Variants in UNC79 observed in about 807,000 individuals in gnomAD.
UNC79 encodes the protein protein unc-79 homolog.
UNC79 carries 37 observed loss-of-function variants against 283.1 expected under a neutral mutation model. That is an observed-to-expected ratio of 0.13 (90% CI 0.10 to 0.17). The LOEUF (loss-of-function observed/expected upper bound fraction) is 0.17. Ranked by LOEUF, UNC79 falls within the 10% of genes least tolerant of loss-of-function variation. The probability of loss-of-function intolerance (pLI) is 1.00; values close to 1 mark genes in which losing one functional copy is unlikely to be tolerated. For synonymous variants in UNC79, 1,107 were observed against 1,200.2 expected (o/e 0.92, Z 1.61); for missense variants, 2,272 against 3,211.1 (o/e 0.71, Z 7.07).
rs1469207565 is a variant in UNC79, at chr14:93,348,014, ATCTTC to A, written c.-351+14497_-351+14501del. 1.9e-6 allele frequency: 3 copies of A among 1,557,318 alleles called. No homozygotes were observed. The African/African-American group carries it at 4.1e-5, about 21-fold the overall frequency. On this transcript the variant is annotated intron_variant, in intron 1 of 49. Coordinates refer to the UNC79 transcript ENST00000256339. ...GAAGCCATACTCAGCAGCGCGTGTC[ATCTTC>A]TCTTCCAGGAAATGGCTGTTGGACT...
At chr14:93,450,672 C>G (rs1373277559) in intron 1 of UNC79, among the ~76,000 whole-genome samples, 1 of 152,012 alleles carries the variant, frequency 6.6e-6, no homozygotes, top group African/African-American at 2.4e-5. Flanking sequence ...TTGATCTTTC[C>G]TAAGTACTAA....
rs144726691 is a variant in UNC79 at position 93,437,790 on chromosome 14, A to T, written c.22+6739A>T. Among the ~76,000 whole-genome samples the T allele has an allele frequency of 3.5e-3, 537 of 152,224 alleles. 2 individuals carry two copies. Among genetic ancestry groups the T allele is most frequent in the African/African-American group, 0.012 (498 of 41,532 alleles). On this transcript the variant is annotated intron_variant, in intron 1 of 48. Coordinates refer to ENST00000555664, the Ensembl canonical transcript of UNC79. Reference sequence around the variant, plus strand: ...CCAATCTCTGCCTCCATCTTTACACAGCCTGTGTCTCTGTATCCAAACCTC... The same window carrying T: ...CCAATCTCTGCCTCCATCTTTACACTGCCTGTGTCTCTGTATCCAAACCTC...
rs777171969 is a variant in UNC79, at chr14:93,603,095, A to G, written c.3575-144A>G. 27 of 914,372 alleles carry G rather than the reference A, an allele frequency of 3.0e-5. No homozygotes were observed. In the East Asian group the frequency reaches 5.2e-4, roughly 18 times the overall value. The allele number at this position is 914,372 out of a possible 1,614,324, so 56.6% of individuals were successfully genotyped here. A position where few individuals can be genotyped will look rare whatever the true frequency, so the allele number is the denominator to read the frequency against. On this transcript the variant is annotated intron_variant, in intron 25 of 48. Transcript: ENST00000555664. ...ATAGGCAATAGTTATTTTTGTATGT[A>G]GGACTCATCATAGAGGGAGATGTAT...
upstream of UNC79, chr14:93,333,216 A>G (rs963599014): frequency 1.1e-4 from 43 of 374,242 alleles, 1 homozygote; most frequent in East Asian, 3.8e-5. Flanking sequence ...GTGCGCGCGC[A>G]TTATTTTTGC....
chr14:93,562,911 A>T (rs971332605), intron 14 of UNC79, among the ~76,000 whole-genome samples: 3 of 152,052 alleles, frequency 2.0e-5, no homozygotes, highest in Non-Finnish European at 2.9e-5. Context: ...GCTTGATGTG[A>T]AGGGAAGGGA....
exon 33 of UNC79, chr14:93,641,200 T>C: frequency 1.2e-6 from 2 of 1,613,792 alleles, no homozygotes; most frequent in South Asian, 1.1e-5. Flanking sequence ...TGTTTGTGCC[T>C]GCACCTGAAG....
exon 4 of UNC79, chr14:93,477,691 T>C (rs370195707): frequency 1.7e-5 from 27 of 1,613,294 alleles, no homozygotes; most frequent in Non-Finnish European, 2.1e-5. Flanking sequence ...AGGATATCAT[T>C]GAATATCTTA....
intron 7 of UNC79, among the ~76,000 whole-genome samples, chr14:93,514,778 A>G (rs902056759): frequency 1.3e-5 from 2 of 152,230 alleles, no homozygotes; most frequent in Non-Finnish European, 2.9e-5. Context: ...CCAGGCAGAA[A>G]GCCAAGGTGA....
intron 13 of UNC79, among the ~76,000 whole-genome samples, chr14:93,541,658 A>G (rs912126012): frequency 6.6e-6 from 1 of 152,194 alleles, no homozygotes; most frequent in Non-Finnish European, 1.5e-5. Flanking sequence ...GGACCCTGCC[A>G]TAGTACTCAA....
chr14:93,474,530 T>G lies in UNC79; in HGVS notation c.448+137T>G. 1 of 975,460 alleles carries G rather than the reference T, an allele frequency of 1.0e-6. No homozygotes were observed. Among genetic ancestry groups the G allele is most frequent in the Non-Finnish European group, 1.5e-6 (1 of 680,386 alleles). 60.4% of individuals were successfully genotyped at this position (975,460 alleles called of 1,614,324 possible). ...CTTTGTGTGGCTAGAAGCACTACAC[T>G]GAAACTTCATTATGGTGCTTCCCAT... On this transcript the variant is annotated intron_variant, in intron 3 of 48. Transcript: ENST00000555664. The surrounding 1 kb of genome is among the most constrained non-coding windows in gnomAD (Gnocchi z 4.1).
intron 7 of UNC79, among the ~76,000 whole-genome samples, chr14:93,497,730 G>A (rs2140621339): frequency 6.6e-6 from 1 of 152,318 alleles, no homozygotes; most frequent in South Asian, 2.1e-4. Flanking sequence ...GCTCATGCCT[G>A]TAATACTAGC....
At chr14:93,570,307 C>T (rs1414083480) in intron 14 of UNC79, among the ~76,000 whole-genome samples, 1 of 152,132 alleles carries the variant, frequency 6.6e-6, no homozygotes, top group African/African-American at 2.4e-5. Flanking sequence ...TTGAAATTGT[C>T]CCCTTAGGTC....
intron 1 of UNC79, among the ~76,000 whole-genome samples, chr14:93,359,172 C>A (rs1342284296): frequency 3.9e-5 from 6 of 152,120 alleles, no homozygotes; most frequent in Admixed American, 3.9e-4. Flanking sequence ...GCTTGGTTAG[C>A]TGAAATATGG....
rs529424777 is a variant in UNC79 at position 93,531,506 on chromosome 14, A to G, written c.1094-1044A>G. Among the ~76,000 whole-genome samples, 1 of 152,338 alleles carries G rather than the reference A, an allele frequency of 6.6e-6. No individual in the cohort carries two copies. Among genetic ancestry groups the G allele is most frequent in the East Asian group, 1.9e-4 (1 of 5,190 alleles). On this transcript the variant is annotated intron_variant, in intron 10 of 48. Transcript: ENST00000555664. This position sits in a 1 kb window ranked among gnomAD's most constrained non-coding sequence, Gnocchi z 4.2. ...TGGAAATAATTGATGTGCCCACTGA[A>G]AAGAATTCTTATGCATTCATTATGT... is the stretch of plus-strand genomic sequence containing the variant.
At chr14:93,576,359 C>A (rs74073822) in intron 17 of UNC79, among the ~76,000 whole-genome samples, 1 of 152,046 alleles carries the variant, frequency 6.6e-6, no homozygotes, top group East Asian at 1.9e-4. Context: ...TTCAATCATA[C>A]CCCAAACCTC....
intron 4 of UNC79, among the ~76,000 whole-genome samples, chr14:93,480,106 T>C (rs1049517708): frequency 6.6e-6 from 1 of 152,230 alleles, no homozygotes; most frequent in Non-Finnish European, 1.5e-5. Context: ...TTCTACTTAA[T>C]TAGAAACACA....
At chr14:93,569,437 C>CA (rs1450010721) in intron 14 of UNC79, among the ~76,000 whole-genome samples, 3 of 150,858 alleles carry the variant, frequency 2.0e-5, no homozygotes, top group Non-Finnish European at 3.0e-5. Context: ...ACTCCATCTC[C>CA]AAAAAAAATA....
intron 40 of UNC79, among the ~76,000 whole-genome samples, chr14:93,669,741 C>T (rs1025154544): frequency 3.9e-5 from 6 of 152,090 alleles, no homozygotes; most frequent in African/African-American, 7.2e-5. Flanking sequence ...TCCAGCTACT[C>T]TGAAGGCTGA....
Position 93,690,279 on chromosome 14 carries a change from G to T in UNC79, c.7248G>T (p.Leu2416=). 6.2e-7 allele frequency: 1 copy of T among 1,613,706 alleles called. No individual in the cohort carries two copies. Among genetic ancestry groups the T allele is most frequent in the Non-Finnish European group, 8.5e-7 (1 of 1,179,878 alleles). The change falls in exon 45 of 49, where the codon CTG becomes CTT. Residue 2416 remains leucine, a synonymous_variant. Coordinates refer to ENST00000555664, the Ensembl canonical transcript of UNC79. The surrounding 1 kb of genome is among the most constrained non-coding windows in gnomAD (Gnocchi z 4.3). Reference sequence around the variant, plus strand: ...TTGCAGACCATCTTATTGTTATCCTGATTGGATTTCCAGAGCAATCAAAGG... The same window carrying T: ...TTGCAGACCATCTTATTGTTATCCTTATTGGATTTCCAGAGCAATCAAAGG...
Sources: allele counts gnomAD v4.1 joint callset (sites outside exome capture counted in the v4.1 genomes callset), GRCh38; gene constraint gnomAD v4.1.1; non-coding constraint Gnocchi (gnomAD v3.1); transcripts MANE v1.5; gene names NCBI Gene and HGNC (gene_info 2026-07-23, HGNC 2026-07-21).